KCNIP4: variants seen among roughly 807,000 people sequenced by gnomAD.
The protein encoded by KCNIP4 is Kv channel-interacting protein 4.
In KCNIP4, 12 loss-of-function variants were observed where a neutral mutation model predicts 34.0. The observed-to-expected ratio is 0.35, with a 90% CI of 0.23 to 0.57. The LOEUF is 0.57. Among genes scored for constraint, KCNIP4 ranks in the 20% least tolerant of loss-of-function variants. The pLI is 0.83. For missense variants in KCNIP4, 238 were observed against 311.7 expected (o/e 0.76, Z 1.78); for synonymous variants, 124 against 102.2 (o/e 1.21, Z -1.29).
At chr4:20,794,554 G>C (rs1203781140) in intron 3 of KCNIP4, among the ~76,000 whole-genome samples, 1 of 152,126 alleles carries the variant, frequency 6.6e-6, no homozygotes, top group Non-Finnish European at 1.5e-5. Flanking sequence ...TATTGTTTAT[G>C]GATGCAAACT....
intron 1 of KCNIP4, among the ~76,000 whole-genome samples, chr4:21,707,396 AGAT>A (rs1388616543): frequency 1.3e-5 from 2 of 152,150 alleles, no homozygotes; most frequent in African/African-American, 4.8e-5. Context: ...TTTTTCTAGA[AGAT>A]GAGATTGAAC....
At chr4:21,318,702 G>A (rs966990092) in intron 1 of KCNIP4, among the ~76,000 whole-genome samples, 1 of 151,938 alleles carries the variant, frequency 6.6e-6, no homozygotes, top group Non-Finnish European at 1.5e-5. Context: ...CTTATTAACT[G>A]CAAGTTTATA....
chr4:21,055,476 A>C (rs1577607803), intron 1 of KCNIP4, among the ~76,000 whole-genome samples: 1 of 152,216 alleles, frequency 6.6e-6, no homozygotes. Context: ...ATAGATATTT[A>C]TAGTAGGTTT....
chr4:21,099,488 G>T (rs1747754155), intron 1 of KCNIP4, among the ~76,000 whole-genome samples: 1 of 152,094 alleles, frequency 6.6e-6, no homozygotes, highest in Admixed American at 6.5e-5. Flanking sequence ...GAGAACATCA[G>T]GAAAAATAGC....
chr4:20,729,106 GGTTTCTTTCTTTGTCCCTGA>G lies in KCNIP4; in HGVS notation c.*956_*975del, dbSNP rs1747018943. ...TCTTAGTAGACAGTGGGGTAGTCAA[GGTTTCTTTCTTTGTCCCTGA>G]ATGGCTTGTAATATAAATAAACATG... On this transcript the variant is annotated 3_prime_UTR_variant, in exon 9 of 9. Coordinates refer to ENST00000382152, the MANE Select transcript of KCNIP4 (RefSeq NM_025221.6). The G allele has an allele frequency of 6.6e-6, 1 of 151,808 alleles. No individual in the cohort carries two copies. Among genetic ancestry groups the G allele is most frequent in the African/African-American group, 2.4e-5 (1 of 41,336 alleles). The allele number at this position is 151,808 out of a possible 1,614,324, so 9.4% of individuals were successfully genotyped here.
At chr4:21,947,308 G>C (rs572899492) in intron 1 of KCNIP4, among the ~76,000 whole-genome samples, 1 of 152,174 alleles carries the variant, frequency 6.6e-6, no homozygotes, top group African/African-American at 2.4e-5. Context: ...TGCTTGGCTC[G>C]TAATGAGTGG....
At chr4:21,496,364 C>T (rs917273837) in intron 1 of KCNIP4, among the ~76,000 whole-genome samples, 22 of 152,148 alleles carry the variant, frequency 1.4e-4, no homozygotes, top group African/African-American at 5.3e-4. Context: ...ATTGCAGGAT[C>T]TAGTGGGACA....
chr4:21,850,011 C>T (rs527465929), intron 1 of KCNIP4: 2 of 152,106 alleles, frequency 1.3e-5, no homozygotes, highest in African/African-American at 2.4e-5. Flanking sequence ...AGTATTCCTA[C>T]AACACATTTC....
chr4:21,531,454 C>T (rs1355456725), intron 1 of KCNIP4, among the ~76,000 whole-genome samples: 1 of 151,412 alleles, frequency 6.6e-6, no homozygotes, highest in African/African-American at 2.4e-5. Flanking sequence ...CAGCTCACTG[C>T]AACCTCCACC....
intron 1 of KCNIP4, among the ~76,000 whole-genome samples, chr4:21,254,378 T>G (rs1429724713): frequency 6.6e-6 from 1 of 152,144 alleles, no homozygotes; most frequent in Non-Finnish European, 1.5e-5. Context: ...ACTGAGCATC[T>G]TATATGAGCA....
chr4:21,084,584 A>T (rs1421514508), intron 1 of KCNIP4, among the ~76,000 whole-genome samples: 1 of 148,276 alleles, frequency 6.7e-6, no homozygotes, highest in Non-Finnish European at 1.5e-5. Flanking sequence ...CATACTGGGG[A>T]TATACAGTCA....
chr4:20,777,139 G>T (rs1432792533), intron 3 of KCNIP4, among the ~76,000 whole-genome samples: 2 of 152,168 alleles, frequency 1.3e-5, no homozygotes, highest in Non-Finnish European at 2.9e-5. Flanking sequence ...TTGACTCATA[G>T]TTCCACAGGG....
At chr4:21,313,786 G>T (rs376493506) in intron 1 of KCNIP4, among the ~76,000 whole-genome samples, 2 of 152,188 alleles carry the variant, frequency 1.3e-5, no homozygotes, top group Admixed American at 6.5e-5. Flanking sequence ...ATCAAAACAA[G>T]CCAGTCAAGC....
chr4:20,803,074 C>CAAA (rs4054902), intron 3 of KCNIP4, among the ~76,000 whole-genome samples: 33 of 78,306 alleles, frequency 4.2e-4, no homozygotes, highest in Non-Finnish European at 6.0e-4. Flanking sequence ...GACTCTGCCT[C>CAAA]AAAAAAAAAA....
intron 3 of KCNIP4, among the ~76,000 whole-genome samples, chr4:20,798,524 T>C (rs1032658838): frequency 6.3e-4 from 80 of 126,826 alleles, no homozygotes; most frequent in Admixed American, 3.3e-3. Flanking sequence ...GACACACACA[T>C]ACACACACAC....
chr4:21,049,919 C>T (rs1425429952), intron 1 of KCNIP4, among the ~76,000 whole-genome samples: 1 of 152,210 alleles, frequency 6.6e-6, no homozygotes, highest in Non-Finnish European at 1.5e-5. Flanking sequence ...GTTAATCTCA[C>T]TTGTATACAC....
At chr4:21,884,542 C>T (rs1027179665) in intron 1 of KCNIP4, among the ~76,000 whole-genome samples, 22 of 151,950 alleles carry the variant, frequency 1.4e-4, no homozygotes, top group African/African-American at 5.3e-4. Context: ...TTATTAATTC[C>T]CCAATGGAGC....
Position 21,795,998 on chromosome 4 carries a change from G to A in KCNIP4, c.61+152573C>T, listed in dbSNP as rs142298062. Among the ~76,000 whole-genome samples the A allele has an allele frequency of 5.5e-3, 836 of 152,280 alleles. 9 individuals carry two copies. Among genetic ancestry groups the A allele is most frequent in the African/African-American group, 0.019 (796 of 41,554 alleles). On this transcript the variant is annotated intron_variant, in intron 1 of 8. Transcript: ENST00000382152. ...GCAAAAGAATCACTTGAACCCAGGA[G>A]GCGGAGGTAGCAGTGAGCTGAGATT...
At chr4:21,910,092 G>A (rs570465131) in intron 1 of KCNIP4, among the ~76,000 whole-genome samples, 1 of 152,144 alleles carries the variant, frequency 6.6e-6, no homozygotes, top group South Asian at 2.1e-4. Context: ...ACCTGTGCAG[G>A]GGGAGGGCAC....
Sources: allele counts gnomAD v4.1 joint callset (sites outside exome capture counted in the v4.1 genomes callset), GRCh38; gene constraint gnomAD v4.1.1; transcripts MANE v1.5; gene names NCBI Gene and HGNC (gene_info 2026-07-23, HGNC 2026-07-21).